Variants in ULK4 observed in about 807,000 individuals in gnomAD.
ULK4 encodes inactive serine/threonine-protein kinase ULK4.
In ULK4, 133 loss-of-function variants were observed where a neutral mutation model predicts 160.6. The observed-to-expected ratio is 0.83, with a 90% CI of 0.72 to 0.96. ULK4 has a LOEUF of 0.96. ULK4 is among the 40% of genes least tolerant of loss of function. The pLI, the probability that ULK4 is intolerant of heterozygous loss-of-function variation, is 0.00. For synonymous variants in ULK4, 534 were observed against 539.8 expected, an observed-to-expected ratio of 0.99 and a Z score of 0.15; for missense variants, 1,580 against 1,499.5, an observed-to-expected ratio of 1.05 and a Z score of -0.89.
Position 41,875,545 on chromosome 3 carries a change from T to C in ULK4, c.1656+8329A>G, listed in dbSNP as rs866702825. On this transcript the variant is annotated intron_variant, in intron 17 of 36. Transcript: ENST00000301831. Reference sequence around the variant, plus strand: ...TAGTTAGGAGGCTGAGGTGGGAAGATGGCTTAAGCCCAAGGTAGTGAGCTA... The same window carrying C: ...TAGTTAGGAGGCTGAGGTGGGAAGACGGCTTAAGCCCAAGGTAGTGAGCTA... Among the ~76,000 whole-genome samples the C allele has an allele frequency of 9.2e-5, 14 of 152,308 alleles. No individual in the cohort carries two copies. In the East Asian group the frequency reaches 1.5e-3, roughly 17 times the overall value.
intron 13 of ULK4, chr3:41,899,317 A>ATT (rs1698272806): frequency 6.6e-6 from 1 of 152,256 alleles, no homozygotes; most frequent in East Asian, 1.9e-4. Flanking sequence ...AGATGTGAAC[A>ATT]TTAAGAGCAG....
intron 17 of ULK4, among the ~76,000 whole-genome samples, chr3:41,850,290 A>G (rs535301835): frequency 8.5e-5 from 13 of 152,322 alleles, no homozygotes; most frequent in Middle Eastern, 6.8e-3. Flanking sequence ...ATGTGTCTTT[A>G]TAGCAGCATG....
chr3:41,890,778 A>G (rs1158735912), intron 16 of ULK4, among the ~76,000 whole-genome samples: 5 of 19,028 alleles, frequency 2.6e-4, no homozygotes, highest in African/African-American at 1.3e-3. Flanking sequence ...CGGGAGGGAC[A>G]GGAGGGACAG....
At chr3:41,823,243 T>A (rs1406321380) in intron 18 of ULK4, among the ~76,000 whole-genome samples, 1 of 151,872 alleles carries the variant, frequency 6.6e-6, no homozygotes, top group Non-Finnish European at 1.5e-5. Flanking sequence ...AAACAGCAAA[T>A]GTCAATATAG....
At chr3:41,336,337 CG>C (rs1458917481) in intron 35 of ULK4, among the ~76,000 whole-genome samples, 1 of 152,046 alleles carries the variant, frequency 6.6e-6, no homozygotes, top group East Asian at 1.9e-4. Flanking sequence ...TATAAGGAAA[CG>C]TATCTGAAAA....
intron 34 of ULK4, among the ~76,000 whole-genome samples, chr3:41,429,602 A>G (rs1471317900): frequency 6.6e-6 from 1 of 152,174 alleles, no homozygotes; most frequent in Admixed American, 6.5e-5. Flanking sequence ...ACATGGATGG[A>G]GCTGGAAGCC....
At chr3:41,364,184 T>C (rs904444731) in intron 35 of ULK4, among the ~76,000 whole-genome samples, 5 of 152,228 alleles carry the variant, frequency 3.3e-5, no homozygotes, top group African/African-American at 1.2e-4. Context: ...GTGATCTTCC[T>C]ATCTTGGCCT....
intron 35 of ULK4, among the ~76,000 whole-genome samples, chr3:41,341,736 A>G (rs932044225): frequency 1.3e-5 from 2 of 152,156 alleles, no homozygotes; most frequent in African/African-American, 4.8e-5. Flanking sequence ...TACAGGCTCC[A>G]AACCAGAAAG....
intron 35 of ULK4, among the ~76,000 whole-genome samples, chr3:41,357,595 G>A (rs1033779312): frequency 2.6e-5 from 4 of 152,192 alleles, no homozygotes; most frequent in African/African-American, 9.7e-5. Context: ...ACTGTCATCT[G>A]TGTTTGCTCA....
intron 5 of ULK4, among the ~76,000 whole-genome samples, chr3:41,924,759 T>A (rs1424325441): frequency 6.6e-6 from 1 of 152,136 alleles, no homozygotes; most frequent in East Asian, 1.9e-4. Context: ...TTAATTTCCT[T>A]TAGTCCTATT....
intron 17 of ULK4, among the ~76,000 whole-genome samples, chr3:41,866,945 T>A (rs912472412): frequency 3.3e-5 from 5 of 152,224 alleles, no homozygotes; most frequent in Admixed American, 2.6e-4. Context: ...TATTGCTATC[T>A]CCCAGTCTTG....
At chr3:41,498,964 CA>C (rs1459995452) in intron 32 of ULK4, among the ~76,000 whole-genome samples, 1 of 151,952 alleles carries the variant, frequency 6.6e-6, no homozygotes, top group African/African-American at 2.4e-5. Context: ...AGAAAAAACA[CA>C]AAATACAATA....
At chr3:41,459,847 A>G (rs2083642284) in intron 33 of ULK4, among the ~76,000 whole-genome samples, 1 of 152,180 alleles carries the variant, frequency 6.6e-6, no homozygotes. Context: ...TGAGCTGGAA[A>G]GGTACCCTGG....
intron 33 of ULK4, among the ~76,000 whole-genome samples, chr3:41,458,711 G>A (rs2083612710): frequency 6.6e-6 from 1 of 152,098 alleles, no homozygotes; most frequent in African/African-American, 2.4e-5. Flanking sequence ...ACAGAAGTAA[G>A]GCATCTATAA....
At chr3:41,620,020 G>A (rs374293749) in intron 30 of ULK4, among the ~76,000 whole-genome samples, 1 of 152,080 alleles carries the variant, frequency 6.6e-6, no homozygotes, top group East Asian at 1.9e-4. Context: ...TAGAAGAAAT[G>A]GATAAATTCC....
At chr3:41,877,552 C>A (rs1429427431) in intron 17 of ULK4, among the ~76,000 whole-genome samples, 1 of 151,960 alleles carries the variant, frequency 6.6e-6, no homozygotes, top group African/African-American at 2.4e-5. Flanking sequence ...GTCTCGAACG[C>A]CTGAACTCAA....
intron 30 of ULK4, among the ~76,000 whole-genome samples, chr3:41,633,409 G>A (rs144994686): frequency 2.2e-3 from 342 of 152,142 alleles, no homozygotes; most frequent in African/African-American, 7.8e-3. Flanking sequence ...TACTGTCTGC[G>A]TTTGCTTTTA....
At chr3:41,332,744 T>C (rs2080473117) in intron 35 of ULK4, among the ~76,000 whole-genome samples, 1 of 152,210 alleles carries the variant, frequency 6.6e-6, no homozygotes, top group African/African-American at 2.4e-5. Context: ...ATGATTGATC[T>C]TGTCACCCAG....
In ULK4 at chr3:41,249,426, A is replaced by G. The variant is rs923215773; in HGVS notation, c.3764+63T>C. On this transcript the variant is annotated intron_variant, in intron 36 of 36. Coordinates refer to ENST00000301831, the MANE Select transcript of ULK4 (RefSeq NM_017886.4). ...GGAGATGAGTGGGAGGAGTGGAGAA[A>G]GGAATGGCTGAGAGTGTGTGCTGAT... 3 of 1,474,156 alleles carry G rather than the reference A, an allele frequency of 2.0e-6. No homozygotes were observed. The South Asian group carries it at 3.8e-5, about 18-fold the overall frequency. The allele number at this position is 1,474,156 out of a possible 1,614,324, so 91.3% of individuals were successfully genotyped here. A position where few individuals can be genotyped will look rare whatever the true frequency, so the allele number is the denominator to read the frequency against.
Sources: allele counts gnomAD v4.1 joint callset (sites outside exome capture counted in the v4.1 genomes callset), GRCh38; gene constraint gnomAD v4.1.1; transcripts MANE v1.5; gene names NCBI Gene and HGNC (gene_info 2026-07-23, HGNC 2026-07-21).